The following TTBK2 variants were observed in gnomAD, a reference collection of about 807,000 sequenced individuals.
TTBK2 encodes the protein tau-tubulin kinase 2.
TTBK2 carries 28 observed loss-of-function variants against 110.8 expected under a neutral mutation model. That is an observed-to-expected ratio of 0.25 (90% CI 0.19 to 0.35). The LOEUF (loss-of-function observed/expected upper bound fraction) is 0.35. Among genes scored for constraint, TTBK2 ranks in the 10% least tolerant of loss-of-function variants. The pLI is 1.00. For missense variants in TTBK2, 1,369 were observed against 1,500.3 expected (o/e 0.91, Z 1.45); for synonymous variants, 532 against 527.3 (o/e 1.01, Z -0.12).
At chr15:42,870,578 C>T (rs1049712941) in intron 3 of TTBK2, among the ~76,000 whole-genome samples, 3 of 151,562 alleles carry the variant, frequency 2.0e-5, no homozygotes, top group African/African-American at 4.9e-5. Flanking sequence ...AAAAAAAAAT[C>T]GCAGCCAGGT....
chr15:42,863,839 C>T (rs886928878), intron 3 of TTBK2, among the ~76,000 whole-genome samples: 4 of 152,172 alleles, frequency 2.6e-5, no homozygotes, highest in Non-Finnish European at 4.4e-5. Flanking sequence ...GGAAAGGCCT[C>T]CCTATTCAAT....
intron 10 of TTBK2, among the ~76,000 whole-genome samples, chr15:42,787,205 T>C (rs899993847): frequency 3.9e-5 from 6 of 152,170 alleles, no homozygotes; most frequent in Non-Finnish European, 7.3e-5. Flanking sequence ...TTTTGCACTA[T>C]AACAGCAATG....
chr15:42,748,928 A>G (rs1222460441), intron 14 of TTBK2, among the ~76,000 whole-genome samples: 1 of 152,240 alleles, frequency 6.6e-6, no homozygotes, highest in Non-Finnish European at 1.5e-5. Flanking sequence ...ATTATAATCA[A>G]GATAAACAGC....
At chr15:42,906,130 G>A (rs562818585) in intron 1 of TTBK2, among the ~76,000 whole-genome samples, 15 of 152,148 alleles carry the variant, frequency 9.9e-5, no homozygotes, top group Non-Finnish European at 2.1e-4. Flanking sequence ...GGAGGTTGTG[G>A]TGAGCCAGGA....
At position 42,752,289 on chromosome 15, in the gene TTBK2, C is replaced by T. The variant is rs1479891564; in HGVS notation, c.2957G>A (p.Arg986Lys). The T allele has an allele frequency of 6.2e-7, 1 of 1,614,132 alleles. No individual in the cohort carries two copies. Among genetic ancestry groups the T allele is most frequent in the Non-Finnish European group, 8.5e-7 (1 of 1,180,040 alleles). The change falls in exon 14 of 15, where the codon AGA (arginine) becomes AAA (lysine). Residue 986 changes from arginine to lysine, a missense_variant. Around this residue, in one of 4 missense-constraint regions of TTBK2, gnomAD observed 1,097 missense variants for 1,114.7 expected, o/e 0.98. Transcript: ENST00000267890. The part of the protein sequence containing the change: ...PDLVKLLVEK[R>K]QFKSFLGDLS... ...GTCGCCAAGGAAGGACTTGAATTGTCTTTTTTCCACCAGAAGCTTGACTAG... is the reference window on the plus strand; with the variant it reads ...GTCGCCAAGGAAGGACTTGAATTGTTTTTTTTCCACCAGAAGCTTGACTAG...
intron 9 of TTBK2, among the ~76,000 whole-genome samples, chr15:42,806,713 T>C (rs1433445697): frequency 6.6e-6 from 1 of 152,240 alleles, no homozygotes; most frequent in Non-Finnish European, 1.5e-5. Context: ...CTTTTGGGGC[T>C]TGGCTTACAA....
rs1352486924 is a variant in TTBK2 at position 42,756,553 on chromosome 15, T to C, written c.1999-3306A>G. 2.0e-5 allele frequency among the ~76,000 whole-genome samples: 3 copies of C among 152,152 alleles called. No homozygotes were observed. In the East Asian group the frequency reaches 5.8e-4, roughly 29 times the overall value. On this transcript the variant is annotated intron_variant, in intron 13 of 14. Coordinates refer to ENST00000267890, the MANE Select transcript of TTBK2 (RefSeq NM_173500.4). ...GTGAGCCAAGATCGTGCCACTGCAC[T>C]CGAGCCTGGGCAACAGAGCGACACT...
At chr15:42,860,640 C>A in intron 3 of TTBK2, among the ~76,000 whole-genome samples, 1 of 102,104 alleles carries the variant, frequency 9.8e-6, no homozygotes, top group South Asian at 3.6e-4. Context: ...GGTATTCTTT[C>A]TTTTTTTTTT....
At chr15:42,817,572 C>G (rs1207149907) in intron 6 of TTBK2, among the ~76,000 whole-genome samples, 2 of 152,118 alleles carry the variant, frequency 1.3e-5, no homozygotes, top group Non-Finnish European at 2.9e-5. Context: ...GCAACTTGTA[C>G]CCTACCTCCA....
chr15:42,776,886 T>C, intron 12 of TTBK2, 145 bp downstream of exon 12: 1 of 737,724 alleles, frequency 1.4e-6, no homozygotes, highest in South Asian at 1.8e-5. Context: ...AAATTGGAGC[T>C]GAATAGACTC....
rs2061741059 is a variant in TTBK2, at chr15:42,740,083, C to T, written c.*5712G>A. ...TTATATCATCAGCAAATTCTATAGT[C>T]ACATGGGCTCAAAGATCTGCCTCAT... On this transcript the variant is annotated 3_prime_UTR_variant, in exon 15 of 15. Transcript: ENST00000267890. 1 of 152,148 alleles carries T rather than the reference C, an allele frequency of 6.6e-6. No homozygotes were observed. Among genetic ancestry groups the T allele is most frequent in the Non-Finnish European group, 1.5e-5 (1 of 68,022 alleles). The allele number at this position is 152,148 out of a possible 1,614,324, so 9.4% of individuals were successfully genotyped here.
chr15:42,745,713 T>C lies in TTBK2; in HGVS notation c.*82A>G, dbSNP rs2061781391. On this transcript the variant is annotated 3_prime_UTR_variant, in exon 15 of 15. Coordinates refer to ENST00000267890, the MANE Select transcript of TTBK2 (RefSeq NM_173500.4). Reference sequence around the variant, plus strand: ...GCAAGAGAAGATCAACACTGATTTTTTTACATAGAAAGTACAGGGACACAC... The same window carrying C: ...GCAAGAGAAGATCAACACTGATTTTCTTACATAGAAAGTACAGGGACACAC... The C allele has an allele frequency of 1.3e-6, 2 of 1,526,884 alleles. No individual in the cohort carries two copies. Among genetic ancestry groups the C allele is most frequent in the African/African-American group, 1.4e-5 (1 of 73,214 alleles). 94.6% of individuals were successfully genotyped at this position (1,526,884 alleles called of 1,614,324 possible). A position where few individuals can be genotyped will look rare whatever the true frequency, so the allele number is the denominator to read the frequency against.
Position 42,901,640 on chromosome 15 carries a change from T to TA in TTBK2, c.-68+18797dup, listed in dbSNP as rs776451927. On this transcript the variant is annotated intron_variant, in intron 1 of 14. Coordinates refer to ENST00000267890, the MANE Select transcript of TTBK2 (RefSeq NM_173500.4). ...TAAAAAAAAAAAAAAAGAATTTAAT[T>TA]AAAAAAAATTTAAAACTTTTGTGCA... Among the ~76,000 whole-genome samples the TA allele has an allele frequency of 6.6e-5, 10 of 150,852 alleles. No individual in the cohort carries two copies. In the East Asian group the frequency reaches 1.9e-3, roughly 29 times the overall value.
chr15:42,812,028 G>A (rs1891743790), intron 7 of TTBK2, among the ~76,000 whole-genome samples: 1 of 152,162 alleles, frequency 6.6e-6, no homozygotes, highest in Non-Finnish European at 1.5e-5. Context: ...AATGGTGGAA[G>A]TAATATAACA....
At chr15:42,753,914 T>C (rs1213367767) in intron 13 of TTBK2, among the ~76,000 whole-genome samples, 1 of 152,130 alleles carries the variant, frequency 6.6e-6, no homozygotes. Context: ...AGAATCCAGA[T>C]ACAGGATTAC....
At chr15:42,808,972 C>T (rs1294880289) in intron 9 of TTBK2, among the ~76,000 whole-genome samples, 1 of 152,190 alleles carries the variant, frequency 6.6e-6, no homozygotes, top group African/African-American at 2.4e-5. Context: ...CGAGACCATT[C>T]AGATTAAAAG....
chr15:42,842,014 T>C (rs1011748543), intron 3 of TTBK2, among the ~76,000 whole-genome samples: 1 of 152,100 alleles, frequency 6.6e-6, no homozygotes, highest in African/African-American at 2.4e-5. Flanking sequence ...AAGAATGTAA[T>C]ATAAGAGGAA....
At chr15:42,748,479 C>G (rs957985927) in intron 14 of TTBK2, among the ~76,000 whole-genome samples, 2 of 151,896 alleles carry the variant, frequency 1.3e-5, no homozygotes, top group African/African-American at 4.8e-5. Flanking sequence ...AAAAACTAAC[C>G]CAATAGAATG....
intron 1 of TTBK2, among the ~76,000 whole-genome samples, chr15:42,886,576 C>T (rs1010238745): frequency 2.0e-5 from 3 of 152,098 alleles, no homozygotes; most frequent in African/African-American, 4.8e-5. Context: ...AATCCGCTCC[C>T]GACATTAGAA....
Sources: allele counts gnomAD v4.1 joint callset (sites outside exome capture counted in the v4.1 genomes callset), GRCh38; gene constraint gnomAD v4.1.1; regional missense constraint gnomAD v4.1.1; transcripts MANE v1.5; gene names NCBI Gene and HGNC (gene_info 2026-07-23, HGNC 2026-07-21).